KCNN2: variants seen among roughly 807,000 people sequenced by gnomAD.
KCNN2 encodes potassium calcium-activated channel subfamily N member 2.
A neutral mutation model predicts 55.5 loss-of-function variants in KCNN2; 24 were observed. The ratio of observed to expected loss-of-function variants is 0.43; its 90% confidence interval spans 0.31 to 0.61. The LOEUF (loss-of-function observed/expected upper bound fraction) is 0.61, where lower values mean the gene tolerates loss of function less well. Among genes scored for constraint, KCNN2 ranks in the 20% least tolerant of loss-of-function variants. The probability of loss-of-function intolerance (pLI) is 0.08; values close to 1 mark genes in which losing one functional copy is unlikely to be tolerated. For synonymous variants in KCNN2, 431 were observed against 336.1 expected (o/e 1.28, Z -3.09); for missense variants, 754 against 853.6 (o/e 0.88, Z 1.45).
chr5:114,469,911 T>C (rs1561403898), intron 4 of KCNN2, among the ~76,000 whole-genome samples: 1 of 152,114 alleles, frequency 6.6e-6, no homozygotes, highest in Non-Finnish European at 1.5e-5. Flanking sequence ...AAATAAACAG[T>C]TAAGGGGTTT....
intron 3 of KCNN2, among the ~76,000 whole-genome samples, chr5:114,445,518 C>T (rs577080037): frequency 8.5e-5 from 13 of 152,196 alleles, no homozygotes; most frequent in Non-Finnish European, 1.5e-4. Flanking sequence ...ATTCTTCACA[C>T]TGTGTTTTAA....
Position 114,363,250 on chromosome 5 carries a change from G to A in KCNN2, c.1111G>A (p.Ala371Thr). ...MVIETELSWG[A>T]YDKASLYSLA... is the part of the protein sequence containing the mutation. ...CATCGAGACCGAGCTGTCGTGGGGC[G>A]CCTACGACAAGGTACAGGCTTGAAC... Residue 371 changes from alanine to threonine, a missense_variant, in exon 1 of 8, where the codon GCC becomes ACC. Physicochemically the swap from Ala to Thr is moderately conservative, Grantham distance 58 (BLOSUM62 0). Coordinates refer to ENST00000673685, the MANE Select transcript of KCNN2 (RefSeq NM_021614.4). 6.2e-7 allele frequency: 1 copy of A among 1,608,602 alleles called. No individual in the cohort carries two copies. The highest frequency in any genetic ancestry group is 1.1e-5 in the South Asian group (1 of 90,398).
chr5:114,368,300 GTTTA>G (rs745461343), intron 2 of KCNN2, among the ~76,000 whole-genome samples: 44 of 152,248 alleles, frequency 2.9e-4, no homozygotes, highest in Admixed American at 1.1e-3. Context: ...AAGCAACAAT[GTTTA>G]TTTGTCATCT....
chr5:114,203,098 T>C (rs1753706867), intron 1 of KCNN2, among the ~76,000 whole-genome samples: 1 of 152,332 alleles, frequency 6.6e-6, no homozygotes. Context: ...TAGTGAAAGA[T>C]GCTGTGGAGC....
intron 3 of KCNN2, among the ~76,000 whole-genome samples, chr5:114,438,446 G>C (rs528492262): frequency 2.0e-5 from 3 of 152,212 alleles, no homozygotes; most frequent in East Asian, 1.9e-4. Flanking sequence ...ATATATTTCT[G>C]TTGCAACTTT....
chr5:114,152,390 C>A (rs933834814), intron 1 of KCNN2, among the ~76,000 whole-genome samples: 4 of 152,104 alleles, frequency 2.6e-5, no homozygotes, highest in Non-Finnish European at 5.9e-5. Flanking sequence ...TTGAAAATCA[C>A]CAAATAAACT....
At chr5:114,436,687 CTAAA>C (rs1197137989) in intron 3 of KCNN2, among the ~76,000 whole-genome samples, 1 of 152,012 alleles carries the variant, frequency 6.6e-6, no homozygotes, top group East Asian at 1.9e-4. Context: ...TTTCATTTGG[CTAAA>C]TAAAGGCATA....
intron 1 of KCNN2, among the ~76,000 whole-genome samples, chr5:114,136,926 C>T (rs1021456237): frequency 3.9e-5 from 6 of 152,140 alleles, no homozygotes; most frequent in African/African-American, 1.2e-4. Flanking sequence ...TCAATAATTT[C>T]TCAAAGTCAC....
At chr5:114,110,658 A>T (rs1300041685) in intron 1 of KCNN2, among the ~76,000 whole-genome samples, 3 of 151,968 alleles carry the variant, frequency 2.0e-5, no homozygotes, top group Non-Finnish European at 4.4e-5. Flanking sequence ...TCTCCAGGAC[A>T]TTTCTATTTT....
chr5:114,250,848 C>G (rs771140499), intron 2 of KCNN2, among the ~76,000 whole-genome samples: 12 of 152,184 alleles, frequency 7.9e-5, no homozygotes, highest in Non-Finnish European at 1.6e-4. Flanking sequence ...TCCGGCCATC[C>G]ATAGACCATT....
At chr5:114,358,034 A>C (rs1757330905), upstream of KCNN2, among the ~76,000 whole-genome samples, 2 of 150,624 alleles carry the variant, frequency 1.3e-5, no homozygotes, top group South Asian at 4.3e-4. Context: ...TTTGATTTGC[A>C]TTTCTCTGAT....
chr5:114,270,893 G>A (rs1580678312), intron 2 of KCNN2, among the ~76,000 whole-genome samples: 2 of 152,094 alleles, frequency 1.3e-5, no homozygotes, highest in Admixed American at 6.6e-5. Flanking sequence ...GGGTGGGTTC[G>A]TGGTCTCACT....
At chr5:114,467,157 A>C (rs1035387267) in intron 4 of KCNN2, among the ~76,000 whole-genome samples, 2 of 152,192 alleles carry the variant, frequency 1.3e-5, no homozygotes, top group African/African-American at 4.8e-5. Flanking sequence ...CATCCTGAAG[A>C]GCAAAAACAC....
At chr5:114,437,743 T>C (rs1234928511) in intron 3 of KCNN2, among the ~76,000 whole-genome samples, 3 of 152,156 alleles carry the variant, frequency 2.0e-5, no homozygotes, top group African/African-American at 7.2e-5. Flanking sequence ...TGTAAAAGGA[T>C]CTTCATTCTG....
intron 2 of KCNN2, among the ~76,000 whole-genome samples, chr5:114,301,384 C>T (rs1013692449): frequency 6.6e-6 from 1 of 152,144 alleles, no homozygotes; most frequent in African/African-American, 2.4e-5. Flanking sequence ...ACATAAATGT[C>T]CATATTGTCA....
At chr5:114,247,864 C>G (rs189746213) in intron 2 of KCNN2, among the ~76,000 whole-genome samples, 1 of 151,994 alleles carries the variant, frequency 6.6e-6, no homozygotes, top group African/African-American at 2.4e-5. Context: ...TCTGGATTTG[C>G]TAATATTATT....
intron 2 of KCNN2, among the ~76,000 whole-genome samples, chr5:114,277,885 CGAG>C (rs1755524623): frequency 6.6e-6 from 1 of 152,092 alleles, no homozygotes; most frequent in Non-Finnish European, 1.5e-5. Context: ...CCCTTGCTGT[CGAG>C]GAGTCGTTTT....
intron 2 of KCNN2, among the ~76,000 whole-genome samples, chr5:114,377,205 C>A (rs563025640): frequency 6.6e-6 from 1 of 152,234 alleles, no homozygotes; most frequent in South Asian, 2.1e-4. Context: ...GTGTACATAA[C>A]CTCTCCCTTT....
intron 2 of KCNN2, among the ~76,000 whole-genome samples, chr5:114,227,870 T>C (rs1580638879): frequency 6.6e-6 from 1 of 152,154 alleles, no homozygotes; most frequent in African/African-American, 2.4e-5. Flanking sequence ...TATATATGAG[T>C]GTATATATAT....
Sources: allele counts gnomAD v4.1 joint callset (sites outside exome capture counted in the v4.1 genomes callset), GRCh38; gene constraint gnomAD v4.1.1; transcripts MANE v1.5; gene names NCBI Gene and HGNC (gene_info 2026-07-23, HGNC 2026-07-21).